The following NFE2L2 variants were observed in gnomAD, a reference collection of about 807,000 sequenced individuals.
NFE2L2 encodes the protein NFE2 like bZIP transcription factor 2.
A neutral mutation model predicts 49.6 loss-of-function variants in NFE2L2; 20 were observed. The observed-to-expected ratio is 0.40, with a 90% confidence interval of 0.28 to 0.59. The LOEUF is 0.59. Ranked by LOEUF, NFE2L2 falls within the 20% of genes least tolerant of loss-of-function variation. The pLI is 0.40. For missense variants in NFE2L2, 578 were observed against 714.2 expected (o/e 0.81, Z 2.17); for synonymous variants, 244 against 256.5 (o/e 0.95, Z 0.47).
At chr2:177,263,818 G>A (rs982006555) in intron 1 of NFE2L2, 1 of 985,408 alleles carries the variant, frequency 1.0e-6, no homozygotes, top group Admixed American at 6.1e-5. Context: ...GCCCGGCTCA[G>A]CCGCCACACG....
At chr2:177,259,833 G>C (rs1477026697) in intron 1 of NFE2L2, among the ~76,000 whole-genome samples, 1 of 152,120 alleles carries the variant, frequency 6.6e-6, no homozygotes. Flanking sequence ...TCGGGAGGCT[G>C]GGGCAGGAGA....
intron 4 of NFE2L2, 51 bp from the exon 5 acceptor site, chr2:177,232,059 A>G (rs780861669): frequency 2.7e-6 from 4 of 1,498,446 alleles, no homozygotes; most frequent in Non-Finnish European, 3.6e-6. Flanking sequence ...ATCCATGATA[A>G]TACGTGATAA....
intron 2 of NFE2L2, 113 bp downstream of exon 2, chr2:177,233,892 C>A: frequency 1.4e-6 from 2 of 1,402,902 alleles, no homozygotes; most frequent in Non-Finnish European, 9.6e-7. Context: ...GTAGATTTGA[C>A]AAGGTTAAGT....
chr2:177,242,433 A>G lies in NFE2L2; in HGVS notation c.46-8162T>C, dbSNP rs143692702. Among the ~76,000 whole-genome samples the G allele has an allele frequency of 3.7e-3, 560 of 152,334 alleles. 5 individuals are homozygous for G. The highest frequency in any genetic ancestry group is 0.013 in the African/African-American group (532 of 41,566). On this transcript the variant is annotated intron_variant, in intron 1 of 4. Transcript: ENST00000397062. The stretch of plus-strand genomic sequence containing the variant: ...AGCATAAAAAAGCCCAAATACACAC[A>G]AAGACGTATTATTCAACAAGTTAAA...
At chr2:177,261,378 T>C (rs1333703711) in intron 1 of NFE2L2, among the ~76,000 whole-genome samples, 1 of 152,178 alleles carries the variant, frequency 6.6e-6, no homozygotes, top group Non-Finnish European at 1.5e-5. Flanking sequence ...CATTAATCTT[T>C]TATATTCCGG....
At position 177,264,659 on chromosome 2, in the gene NFE2L2, T is replaced by A; in HGVS notation, c.-83A>T. On this transcript the variant is annotated 5_prime_UTR_variant, in exon 1 of 5. Transcript: ENST00000397062. The stretch of plus-strand genomic sequence containing the variant: ...AGGCGCGGCGCGGACAGGGCGGCTC[T>A]GGTGGCGGCGGCGGCGGCGGTGGCG... 8.0e-7 allele frequency: 1 copy of A among 1,252,904 alleles called. No homozygotes were observed. The highest frequency in any genetic ancestry group is 1.0e-6 in the Non-Finnish European group (1 of 983,426). The allele number at this position is 1,252,904 out of a possible 1,614,324, so 77.6% of individuals were successfully genotyped here. A position where few individuals can be genotyped will look rare whatever the true frequency, so the allele number is the denominator to read the frequency against.
At chr2:177,239,353 T>C (rs530523160) in intron 1 of NFE2L2, among the ~76,000 whole-genome samples, 1 of 152,276 alleles carries the variant, frequency 6.6e-6, no homozygotes, top group East Asian at 1.9e-4. Context: ...TTCAAAGTGT[T>C]CTGAAAGGTT....
At chr2:177,260,471 A>G (rs999892765) in intron 1 of NFE2L2, among the ~76,000 whole-genome samples, 1 of 152,256 alleles carries the variant, frequency 6.6e-6, no homozygotes, top group East Asian at 1.9e-4. Context: ...TTTGAGATGT[A>G]CTATTCTCAA....
At chr2:177,256,818 G>A (rs1280261485) in intron 1 of NFE2L2, among the ~76,000 whole-genome samples, 1 of 152,222 alleles carries the variant, frequency 6.6e-6, no homozygotes, top group Non-Finnish European at 1.5e-5. Flanking sequence ...GGCAACCTTG[G>A]CTGTGGAGGC....
chr2:177,257,153 T>G (rs149058464), intron 1 of NFE2L2, among the ~76,000 whole-genome samples: 223 of 152,298 alleles, frequency 1.5e-3, no homozygotes, highest in African/African-American at 5.2e-3. Flanking sequence ...GAGATTTAAG[T>G]CTTTTGTTTT....
At position 177,230,518 on chromosome 2, in the gene NFE2L2, TATAA is replaced by T. The variant is rs1257781486; in HGVS notation, c.*263_*266del. On this transcript the variant is annotated 3_prime_UTR_variant, in exon 5 of 5. Coordinates refer to ENST00000397062, the MANE Select transcript of NFE2L2 (RefSeq NM_006164.5). ...AATATAACAAATGACATAAGAACAGTATAAATAAGTTTTTGTAGTATTTACACTT... is the reference window on the plus strand; with the variant it reads ...AATATAACAAATGACATAAGAACAGTATAAGTTTTTGTAGTATTTACACTT... The T allele has an allele frequency of 2.8e-6, 1 of 359,478 alleles. No homozygotes were observed. The highest frequency in any genetic ancestry group is 2.1e-5 in the African/African-American group (1 of 47,754). 22.3% of individuals were successfully genotyped at this position (359,478 alleles called of 1,614,324 possible).
intron 1 of NFE2L2, among the ~76,000 whole-genome samples, chr2:177,238,184 T>C (rs1689820461): frequency 6.6e-6 from 1 of 152,216 alleles, no homozygotes; most frequent in South Asian, 2.1e-4. Flanking sequence ...TTCCTGGGCC[T>C]GAGGTTTTTT....
At chr2:177,250,610 G>A (rs766206845) in intron 1 of NFE2L2, among the ~76,000 whole-genome samples, 5 of 152,200 alleles carry the variant, frequency 3.3e-5, no homozygotes, top group Non-Finnish European at 7.4e-5. Flanking sequence ...TTTGGAGTAA[G>A]GAAACAAAAA....
At chr2:177,263,752 G>A (rs2105501493) in intron 1 of NFE2L2, 1 of 985,480 alleles carries the variant, frequency 1.0e-6, no homozygotes, top group Non-Finnish European at 1.2e-6. Context: ...GCGTTACGAG[G>A]GGCCAACTCC....
chr2:177,234,246 CA>C lies in NFE2L2; in HGVS notation c.70del (p.Trp24GlyfsTer5), dbSNP rs1280915900. ...QQDMDLIDILWRQDIDLGVSR... is the reference protein window; with the variant it reads ...QQDMDLIDILXRQDIDLGVSR... Reference sequence around the variant, plus strand: ...TACTCCAAGATCTATATCTTGCCTCCAAAGTATGTCAATCAAATCCATGTCC... The same window carrying C: ...TACTCCAAGATCTATATCTTGCCTCCAAGTATGTCAATCAAATCCATGTCC... On this transcript the variant is annotated frameshift_variant, in exon 2 of 5. Transcript: ENST00000397062. LOFTEE classifies it high-confidence loss of function. 6.2e-7 allele frequency: 1 copy of C among 1,611,472 alleles called. No individual in the cohort carries two copies. Among genetic ancestry groups the C allele is most frequent in the Non-Finnish European group, 8.5e-7 (1 of 1,179,502 alleles).
At chr2:177,246,987 TCCC>T (rs1428418749) in intron 1 of NFE2L2, among the ~76,000 whole-genome samples, 1 of 152,118 alleles carries the variant, frequency 6.6e-6, no homozygotes, top group African/African-American at 2.4e-5. Context: ...ATTTAATCAG[TCCC>T]CCATCTGACT....
chr2:177,240,632 A>G lies in NFE2L2; in HGVS notation c.46-6361T>C, dbSNP rs533570537. Among the ~76,000 whole-genome samples, 29 of 152,330 alleles carry G rather than the reference A, an allele frequency of 1.9e-4. No homozygotes were observed. The South Asian group carries it at 5.2e-3, about 27-fold the overall frequency. The stretch of plus-strand genomic sequence containing the variant: ...AGAAATATTCATGTTTAAAAAATAT[A>G]TATCATCATTTGCCAACTGGGTAAT... On this transcript the variant is annotated intron_variant, in intron 1 of 4. Transcript: ENST00000397062.
chr2:177,231,672 C>G lies in NFE2L2; in HGVS notation c.931G>C (p.Glu311Gln), dbSNP rs781222348. ...SPATLSHSLS[E>Q]LLNGPIDVSD... ...ACATCAATGGGCCCATTTAGAAGTT[C>G]AGAGAGTGAATGGCTTAAAGTAGCA... The change falls in exon 5 of 5, where the codon GAA becomes CAA. Residue 311 changes from glutamate (E) to glutamine (Q), a missense_variant. Physicochemically the swap from Glu to Gln is conservative, Grantham distance 29 (BLOSUM62 2). Around this residue, in one of 3 missense-constraint regions of NFE2L2, gnomAD observed 368 missense variants for 384.6 expected, o/e 0.96. Transcript: ENST00000397062. 1 of 1,613,998 alleles carries G rather than the reference C, an allele frequency of 6.2e-7. No homozygotes were observed. The highest frequency in any genetic ancestry group is 8.5e-7 in the Non-Finnish European group (1 of 1,180,024).
chr2:177,242,505 T>C (rs1689972986), intron 1 of NFE2L2, among the ~76,000 whole-genome samples: 1 of 152,250 alleles, frequency 6.6e-6, no homozygotes, highest in Non-Finnish European at 1.5e-5. Context: ...GAACCATTTT[T>C]CTGCCCTTTT....
Sources: gnomAD v4.1 joint callset for allele counts (sites outside exome capture counted in the v4.1 genomes callset) on GRCh38, gnomAD v4.1.1 for gene constraint, gnomAD v4.1.1 regional missense constraint, MANE v1.5 for transcripts, NCBI Gene and HGNC (gene_info 2026-07-23, HGNC 2026-07-21) for gene names.